Variants in SYN3 observed in about 807,000 individuals in gnomAD.
The protein encoded by SYN3 is synapsin-3.
Under a neutral mutation model 65.8 loss-of-function variants are expected in SYN3, and 35 were observed. That is an observed-to-expected ratio of 0.53 (90% CI 0.41 to 0.70). SYN3 has a LOEUF of 0.70. SYN3 is among the 30% of genes least tolerant of loss of function. The pLI is 0.00. For missense variants in SYN3, 680 were observed against 749.0 expected (o/e 0.91, Z 1.08); for synonymous variants, 270 against 292.9 (o/e 0.92, Z 0.80).
intron 1 of SYN3, among the ~76,000 whole-genome samples, chr22:33,026,458 G>A (rs1397306965): frequency 6.6e-6 from 1 of 152,162 alleles, no homozygotes; most frequent in Non-Finnish European, 1.5e-5. Context: ...CTCAGAGCTT[G>A]ATGTCCAATG....
At chr22:32,722,508 T>A (rs974487170) in intron 6 of SYN3, among the ~76,000 whole-genome samples, 2 of 152,154 alleles carry the variant, frequency 1.3e-5, no homozygotes, top group African/African-American at 4.8e-5. Context: ...AAGAGTAGAT[T>A]TCAAGGGGGA....
At chr22:32,815,306 C>T (rs145724739) in intron 6 of SYN3, among the ~76,000 whole-genome samples, 1 of 152,314 alleles carries the variant, frequency 6.6e-6, no homozygotes, top group African/African-American at 2.4e-5. Context: ...TGTGCGGTGA[C>T]ACTGGAGAAG....
At chr22:33,033,798 G>A (rs1286339688) in intron 1 of SYN3, among the ~76,000 whole-genome samples, 3 of 152,134 alleles carry the variant, frequency 2.0e-5, no homozygotes, top group African/African-American at 4.8e-5. Flanking sequence ...AGGTGCAGAC[G>A]AGGGAACAGA....
At chr22:32,516,708 T>C (rs772577559) in intron 13 of SYN3, among the ~76,000 whole-genome samples, 10 of 152,174 alleles carry the variant, frequency 6.6e-5, no homozygotes, top group Middle Eastern at 3.2e-3. Context: ...ATATTACCTA[T>C]TCAAAAAAAT....
intron 1 of SYN3, among the ~76,000 whole-genome samples, chr22:33,031,114 A>G (rs116150714): frequency 0.041 from 6,289 of 152,254 alleles, 446 homozygotes; most frequent in African/African-American, 0.14. Flanking sequence ...CCCCCTGCCT[A>G]AGGCAGGGCA....
intron 6 of SYN3, among the ~76,000 whole-genome samples, chr22:32,604,693 C>T (rs969196638): frequency 5.3e-5 from 8 of 152,190 alleles, no homozygotes; most frequent in African/African-American, 1.7e-4. Context: ...CTTTTCCTAG[C>T]TCTAGACACC....
Position 33,016,727 on chromosome 22 carries a change from A to C in SYN3, c.-162-9903T>G, listed in dbSNP as rs907595757. On this transcript the variant is annotated intron_variant, in intron 1 of 13. Coordinates refer to ENST00000358763, the MANE Select transcript of SYN3 (RefSeq NM_003490.4). ...CTTTTGAGAAATGTCTATTTGGTTT[A>C]CTTGCCCATTTTTTGATTGGATTAT... Among the ~76,000 whole-genome samples, 7 of 152,142 alleles carry C rather than the reference A, an allele frequency of 4.6e-5. 1 individual carries two copies. Among genetic ancestry groups the C allele is most frequent in the East Asian group, 3.9e-4 (2 of 5,186 alleles).
chr22:32,800,078 A>T (rs2046527061), intron 6 of SYN3, among the ~76,000 whole-genome samples: 2 of 152,180 alleles, frequency 1.3e-5, no homozygotes, highest in Non-Finnish European at 2.9e-5. Context: ...AAAGGGGAAA[A>T]AGGAGTTTCA....
chr22:32,907,938 T>C (rs2049945705), intron 4 of SYN3, among the ~76,000 whole-genome samples: 1 of 152,166 alleles, frequency 6.6e-6, no homozygotes, highest in Non-Finnish European at 1.5e-5. Context: ...GCAACCTCCC[T>C]ATAAGGGAAG....
intron 6 of SYN3, among the ~76,000 whole-genome samples, chr22:32,706,594 A>G (rs1245485929): frequency 6.6e-6 from 1 of 152,244 alleles, no homozygotes; most frequent in African/African-American, 2.4e-5. Context: ...GGGGAGACCA[A>G]GGTGTAGAAA....
chr22:33,045,446 G>A (rs1201379471), intron 1 of SYN3, among the ~76,000 whole-genome samples: 1 of 148,758 alleles, frequency 6.7e-6, no homozygotes, highest in Non-Finnish European at 1.5e-5. Flanking sequence ...CATCAACCAG[G>A]TGGCTCTACT....
At chr22:32,740,534 G>A (rs9621547) in intron 6 of SYN3, among the ~76,000 whole-genome samples, 4,314 of 152,262 alleles carry the variant, frequency 0.028, 79 homozygotes, top group East Asian at 0.055. Flanking sequence ...GTTGTAAAAG[G>A]ATGCACAACA....
chr22:32,833,926 T>C (rs1330437145), intron 6 of SYN3: 1 of 494,632 alleles, frequency 2.0e-6, no homozygotes, highest in Non-Finnish European at 4.0e-6. Context: ...TTGTAATCAT[T>C]GACAATAGGA....
intron 12 of SYN3, among the ~76,000 whole-genome samples, chr22:32,523,060 T>G (rs1373025384): frequency 6.6e-6 from 1 of 152,278 alleles, no homozygotes; most frequent in African/African-American, 2.4e-5. Flanking sequence ...TCCAACAGCA[T>G]GTACTCATGT....
At chr22:32,656,674 TAGAG>T (rs1407377837) in intron 6 of SYN3, among the ~76,000 whole-genome samples, 3 of 152,218 alleles carry the variant, frequency 2.0e-5, no homozygotes, top group Non-Finnish European at 4.4e-5. Flanking sequence ...GCTATTGACT[TAGAG>T]GGAGCAGGAC....
At chr22:32,921,230 T>C (rs1397740367) in intron 4 of SYN3, among the ~76,000 whole-genome samples, 1 of 152,212 alleles carries the variant, frequency 6.6e-6, no homozygotes, top group Non-Finnish European at 1.5e-5. Flanking sequence ...CCTTAATAAA[T>C]GTTTGTGGAA....
intron 2 of SYN3, among the ~76,000 whole-genome samples, chr22:32,988,024 T>TGAACATACACAGATA (rs2052579802): frequency 1.3e-5 from 2 of 151,476 alleles, no homozygotes; most frequent in East Asian, 2.0e-4. Flanking sequence ...TGAAAGACAC[T>TGAACATACACAGATA]GAGGCCGGGA....
chr22:32,991,511 G>A (rs879657685), intron 2 of SYN3, among the ~76,000 whole-genome samples: 2 of 152,190 alleles, frequency 1.3e-5, no homozygotes, highest in Admixed American at 6.5e-5. Context: ...AGGAGGCATC[G>A]GTTCTCACGC....
chr22:32,989,252 A>T (rs2145702902), intron 2 of SYN3, among the ~76,000 whole-genome samples: 1 of 152,238 alleles, frequency 6.6e-6, no homozygotes, highest in East Asian at 1.9e-4. Flanking sequence ...TAAGGACATT[A>T]CTATATCTGC....
Sources: allele counts gnomAD v4.1 joint callset (sites outside exome capture counted in the v4.1 genomes callset), GRCh38; gene constraint gnomAD v4.1.1; transcripts MANE v1.5; gene names NCBI Gene and HGNC (gene_info 2026-07-23, HGNC 2026-07-21).